The following ITPRID1 variants were observed in gnomAD, a reference collection of about 807,000 sequenced individuals.
ITPRID1 encodes protein ITPRID1.
ITPRID1 carries 96 observed loss-of-function variants against 95.4 expected under a neutral mutation model. The ratio of observed to expected loss-of-function variants is 1.01; its 90% confidence interval spans 0.85 to 1.19. The LOEUF (loss-of-function observed/expected upper bound fraction) is 1.19. ITPRID1 is among the 50% of genes most tolerant of loss of function. The pLI, the probability that ITPRID1 is intolerant of heterozygous loss-of-function variation, is 0.00. For synonymous variants in ITPRID1, 510 were observed against 453.6 expected (o/e 1.12, Z -1.58); for missense variants, 1,339 against 1,252.9 (o/e 1.07, Z -1.04).
Position 31,627,943 on chromosome 7 carries a change from G to A in ITPRID1, c.1229-14233G>A, listed in dbSNP as rs1399759056. ...ATCCAAAAGGGTTTAACTGAAGAGA[G>A]TTTTAGAAAGGGGCTATTTACTGAA... On this transcript the variant is annotated intron_variant, in intron 10 of 14. Transcript: ENST00000615280. Among the ~76,000 whole-genome samples the A allele has an allele frequency of 5.3e-5, 8 of 152,172 alleles. No homozygotes were observed. The East Asian group carries it at 1.5e-3, about 29-fold the overall frequency.
At chr7:31,517,105 G>C (rs755828355) in intron 1 of ITPRID1, among the ~76,000 whole-genome samples, 33 of 152,170 alleles carry the variant, frequency 2.2e-4, no homozygotes, top group Non-Finnish European at 3.1e-4. Context: ...ACCATTCCCA[G>C]AGAACAAAGC....
At chr7:31,516,236 T>G (rs888508995) in intron 1 of ITPRID1, among the ~76,000 whole-genome samples, 1 of 152,206 alleles carries the variant, frequency 6.6e-6, no homozygotes, top group African/African-American at 2.4e-5. Flanking sequence ...GATGTCTTAT[T>G]GCACATTTAG....
At chr7:31,599,852 C>A (rs1035778807) in intron 10 of ITPRID1, among the ~76,000 whole-genome samples, 1 of 151,782 alleles carries the variant, frequency 6.6e-6, no homozygotes, top group East Asian at 1.9e-4. Flanking sequence ...CCTGCCACCA[C>A]GCCCGGCTAA....
At chr7:31,550,275 G>A (rs968767533) in intron 2 of ITPRID1, among the ~76,000 whole-genome samples, 2 of 151,346 alleles carry the variant, frequency 1.3e-5, no homozygotes, top group African/African-American at 4.9e-5. Context: ...ATACACATGA[G>A]GATAAATGAC....
intron 10 of ITPRID1, among the ~76,000 whole-genome samples, chr7:31,589,011 C>G (rs966871864): frequency 6.6e-6 from 1 of 151,750 alleles, no homozygotes; most frequent in African/African-American, 2.4e-5. Flanking sequence ...TTAATGAAGA[C>G]AAACCATGAG....
In ITPRID1 at chr7:31,565,627, A is replaced by G. The variant is rs965320476; in HGVS notation, c.257-4131A>G. Among the ~76,000 whole-genome samples the G allele has an allele frequency of 3.9e-5, 6 of 152,306 alleles. No homozygotes were observed. In the East Asian group the frequency reaches 1.2e-3, roughly 29 times the overall value. ...GTGGCACATGCTTGTAATCTCAGCT[A>G]CTAGTGAGGCTGATGCAGGAGAATC... On this transcript the variant is annotated intron_variant, in intron 5 of 14. Coordinates refer to ENST00000615280, the MANE Select transcript of ITPRID1 (RefSeq NM_001257967.3).
At chr7:31,622,823 G>A (rs1031344911) in intron 10 of ITPRID1, among the ~76,000 whole-genome samples, 5 of 152,206 alleles carry the variant, frequency 3.3e-5, no homozygotes, top group East Asian at 1.9e-4. Flanking sequence ...CCAGGAGCTG[G>A]TTTTTTGAAA....
intron 10 of ITPRID1, among the ~76,000 whole-genome samples, chr7:31,633,860 A>C (rs980580564): frequency 6.6e-6 from 1 of 152,332 alleles, no homozygotes; most frequent in East Asian, 1.9e-4. Flanking sequence ...ACACAACTTT[A>C]TCACACTTGA....
At chr7:31,591,874 A>G (rs1785880212) in intron 10 of ITPRID1, among the ~76,000 whole-genome samples, 1 of 152,240 alleles carries the variant, frequency 6.6e-6, no homozygotes, top group South Asian at 2.1e-4. Flanking sequence ...TACTAAATTC[A>G]GGCACCTCAG....
chr7:31,578,741 T>C (rs1390353397), intron 9 of ITPRID1, among the ~76,000 whole-genome samples: 2 of 152,214 alleles, frequency 1.3e-5, no homozygotes, highest in African/African-American at 4.8e-5. Context: ...TTTTATCTAT[T>C]CTCTAACTTT....
At chr7:31,538,242 ACACACACACACGTGCGCATG>A (rs1334913074) in intron 1 of ITPRID1, among the ~76,000 whole-genome samples, 2 of 8,094 alleles carry the variant, frequency 2.5e-4, no homozygotes, top group Non-Finnish European at 3.8e-3. Flanking sequence ...CTGTCTCTAC[ACACACACACACGTGCGCATG>A]CACACACACA....
rs1347395470 is a variant in ITPRID1, at chr7:31,655,753, A to C, written c.*2924A>C. ...GTGCCTCCAAATCGTTTCCCTTGCT[A>C]AACTCCTAAGCTTTTTACTCTTTAC... On this transcript the variant is annotated 3_prime_UTR_variant, in exon 15 of 15. Coordinates refer to ENST00000615280, the MANE Select transcript of ITPRID1 (RefSeq NM_001257967.3). 1 of 985,550 alleles carries C rather than the reference A, an allele frequency of 1.0e-6. No homozygotes were observed. The highest frequency in any genetic ancestry group is 4.7e-5 in the South Asian group (1 of 21,278). The allele number at this position is 985,550 out of a possible 1,614,324, so 61.1% of individuals were successfully genotyped here. A position where few individuals can be genotyped will look rare whatever the true frequency, so the allele number is the denominator to read the frequency against.
chr7:31,643,285 T>C lies in ITPRID1; in HGVS notation c.1915T>C (p.Ser639Pro), dbSNP rs1312979914. The C allele has an allele frequency of 6.2e-7, 1 of 1,613,712 alleles. No individual in the cohort carries two copies. The highest frequency in any genetic ancestry group is 1.1e-5 in the South Asian group (1 of 91,060). The change falls in exon 12 of 15, where the codon TCA becomes CCA. Residue 639 changes from serine to proline, a missense_variant. Ser to Pro is a moderately conservative substitution (Grantham distance 74). Transcript: ENST00000615280. Reference protein sequence around the residue: ...TNHSLLVPESSSQCIPKHSEI... With the variant: ...TNHSLLVPESPSQCIPKHSEI... ...CCACAGCTTACTCGTACCAGAAAGC[T>C]CATCACAGTGTATCCCCAAGCACAG...
intron 1 of ITPRID1, among the ~76,000 whole-genome samples, chr7:31,540,795 T>G (rs1583474676): frequency 6.6e-6 from 1 of 152,198 alleles, no homozygotes; most frequent in Non-Finnish European, 1.5e-5. Flanking sequence ...TAACTTTGGG[T>G]TCCCGGCCTG....
At chr7:31,616,496 C>T (rs970732323) in intron 10 of ITPRID1, among the ~76,000 whole-genome samples, 7 of 152,086 alleles carry the variant, frequency 4.6e-5, no homozygotes, top group Non-Finnish European at 4.4e-5. Flanking sequence ...TGAGGAAGTA[C>T]AGTATGGGGG....
At chr7:31,573,386 G>T (rs1201418788) in intron 7 of ITPRID1, among the ~76,000 whole-genome samples, 4 of 150,192 alleles carry the variant, frequency 2.7e-5, no homozygotes, top group Non-Finnish European at 5.9e-5. Flanking sequence ...TTTTAAAAAA[G>T]AGACACAAAA....
At chr7:31,586,550 T>C (rs1421863690) in intron 10 of ITPRID1, among the ~76,000 whole-genome samples, 1 of 150,934 alleles carries the variant, frequency 6.6e-6, no homozygotes, top group Admixed American at 6.6e-5. Flanking sequence ...TGTGAGATGG[T>C]ATCTCATTGT....
intron 5 of ITPRID1, among the ~76,000 whole-genome samples, chr7:31,562,789 A>C (rs960747598): frequency 6.6e-6 from 1 of 152,002 alleles, no homozygotes; most frequent in Non-Finnish European, 1.5e-5. Flanking sequence ...ATCTTTCTTC[A>C]TCCTGTTCCT....
intron 10 of ITPRID1, among the ~76,000 whole-genome samples, chr7:31,608,255 A>G (rs1226249451): frequency 6.6e-6 from 1 of 151,982 alleles, no homozygotes; most frequent in Non-Finnish European, 1.5e-5. Flanking sequence ...CACTGTCTTC[A>G]TTATTGTACC....
Sources: allele counts gnomAD v4.1 joint callset (sites outside exome capture counted in the v4.1 genomes callset), GRCh38; gene constraint gnomAD v4.1.1; transcripts MANE v1.5; gene names NCBI Gene and HGNC (gene_info 2026-07-23, HGNC 2026-07-21).